ENTREP2: variants seen among roughly 807,000 people sequenced by gnomAD.
ENTREP2 encodes the protein protein ENTREP2.
the ENTREP2 span, among the ~76,000 whole-genome samples, chr15:29,228,445 G>C: frequency 4.6e-5 from 7 of 152,302 alleles, no homozygotes; most frequent in South Asian, 1.5e-3. Context: ...GGCTGGGGAA[G>C]CAGAGAAATG....
At chr15:29,466,994 G>C in the ENTREP2 span, among the ~76,000 whole-genome samples, 1 of 143,972 alleles carries the variant, frequency 6.9e-6, no homozygotes, top group Non-Finnish European at 1.5e-5. Flanking sequence ...GAGGGCCCGG[G>C]GAGGATGCTG....
the ENTREP2 span, among the ~76,000 whole-genome samples, chr15:29,444,770 A>G: frequency 6.6e-6 from 1 of 152,028 alleles, no homozygotes; most frequent in African/African-American, 2.4e-5. Context: ...TGGCCGGCAG[A>G]TTTCATTTTC....
At chr15:29,654,605 G>A in the ENTREP2 span, among the ~76,000 whole-genome samples, 4 of 152,082 alleles carry the variant, frequency 2.6e-5, no homozygotes, top group Non-Finnish European at 5.9e-5. Flanking sequence ...CTACTTGGAG[G>A]AATTAGAGAT....
At chr15:29,513,516 G>C in the ENTREP2 span, among the ~76,000 whole-genome samples, 1 of 152,202 alleles carries the variant, frequency 6.6e-6, no homozygotes, top group East Asian at 1.9e-4. Flanking sequence ...GTGGAGGGAA[G>C]ACACAGTGTT....
chr15:29,570,433 C>A, the ENTREP2 span: 3 of 1,031,258 alleles, frequency 2.9e-6, no homozygotes, highest in Non-Finnish European at 2.5e-6. Flanking sequence ...GGCGTCCCGG[C>A]GGCCGCAGCG....
the ENTREP2 span, among the ~76,000 whole-genome samples, chr15:29,332,719 G>A: frequency 3.9e-5 from 6 of 152,152 alleles, no homozygotes; most frequent in East Asian, 9.7e-4. Flanking sequence ...CAGCACTTTC[G>A]GAGGCCAAGG....
the ENTREP2 span, among the ~76,000 whole-genome samples, chr15:29,563,863 A>ATAAATAAATAAG: frequency 2.0e-5 from 3 of 151,924 alleles, no homozygotes; most frequent in African/African-American, 7.2e-5. Context: ...AAATAAATAA[A>ATAAATAAATAAG]TAAGTAAAAT....
the ENTREP2 span, among the ~76,000 whole-genome samples, chr15:29,371,576 T>C: frequency 6.6e-6 from 1 of 152,158 alleles, no homozygotes; most frequent in African/African-American, 2.4e-5. Flanking sequence ...AACAGAATTC[T>C]AATTAATATA....
At chr15:29,573,493 A>G in the ENTREP2 span, among the ~76,000 whole-genome samples, 89 of 152,222 alleles carry the variant, frequency 5.8e-4, no homozygotes, top group African/African-American at 2.0e-3. Flanking sequence ...GAAAGTAGAA[A>G]TGAGGAACAA....
the ENTREP2 span, among the ~76,000 whole-genome samples, chr15:29,180,660 T>C: frequency 1.3e-5 from 2 of 151,740 alleles, no homozygotes; most frequent in Non-Finnish European, 2.9e-5. Flanking sequence ...CAAGACTCCG[T>C]CTCAAAAATA....
At chr15:29,569,486 A>G in the ENTREP2 span, 1 of 152,230 alleles carries the variant, frequency 6.6e-6, no homozygotes, top group Non-Finnish European at 1.5e-5. Context: ...ATTTCTGTAG[A>G]TGGAAGTAAA....
chr15:29,207,317 G>A, the ENTREP2 span, among the ~76,000 whole-genome samples: 6 of 152,106 alleles, frequency 3.9e-5, no homozygotes, highest in East Asian at 1.9e-4. Context: ...GAATGAGGCC[G>A]CAGACGTTCC....
At chr15:29,336,173 G>C in the ENTREP2 span, among the ~76,000 whole-genome samples, 12 of 150,800 alleles carry the variant, frequency 8.0e-5, no homozygotes, top group Admixed American at 8.0e-4. Context: ...TTCCTTGCTG[G>C]GACATAAACC....
the ENTREP2 span, among the ~76,000 whole-genome samples, chr15:29,430,621 G>A: frequency 6.6e-6 from 1 of 152,164 alleles, no homozygotes; most frequent in African/African-American, 2.4e-5. Context: ...CTGCACTCCC[G>A]CCTGGGCAAC....
At chr15:29,363,010 G>A in the ENTREP2 span, among the ~76,000 whole-genome samples, 1 of 152,154 alleles carries the variant, frequency 6.6e-6, no homozygotes, top group Non-Finnish European at 1.5e-5. Flanking sequence ...AACGAGGTGG[G>A]AGGTTGGGAT....
the ENTREP2 span, among the ~76,000 whole-genome samples, chr15:29,385,742 C>T: frequency 6.6e-6 from 1 of 152,294 alleles, no homozygotes; most frequent in South Asian, 2.1e-4. Context: ...GGGCTCCACC[C>T]TCAGGCCTGT....
the ENTREP2 span, among the ~76,000 whole-genome samples, chr15:29,130,790 G>C: frequency 6.6e-6 from 1 of 152,190 alleles, no homozygotes; most frequent in African/African-American, 2.4e-5. Context: ...GCCACGCTAA[G>C]CCATGGGGAA....
chr15:29,619,911 G>GTTTGCTCC, the ENTREP2 span, among the ~76,000 whole-genome samples: 1 of 152,098 alleles, frequency 6.6e-6, no homozygotes, highest in Non-Finnish European at 1.5e-5. Flanking sequence ...ATGACTCACA[G>GTTTGCTCC]TTTGCTCCCT....
chr15:29,166,333 A>T, the ENTREP2 span, among the ~76,000 whole-genome samples: 2 of 152,170 alleles, frequency 1.3e-5, no homozygotes, highest in African/African-American at 4.8e-5. Flanking sequence ...TAATCAGACA[A>T]GAGAAAGAAA....
Sources: gnomAD v4.1 joint callset for allele counts (sites outside exome capture counted in the v4.1 genomes callset) on GRCh38, gnomAD v4.1.1 for gene constraint, MANE v1.5 for transcripts, NCBI Gene and HGNC (gene_info 2026-07-23, HGNC 2026-07-21) for gene names.